DENND6A: variants seen among roughly 807,000 people sequenced by gnomAD.
DENND6A encodes the protein protein DENND6A.
DENND6A carries 43 observed loss-of-function variants against 95.5 expected under a neutral mutation model. The observed-to-expected ratio is 0.45, with a 90% CI of 0.35 to 0.58. The LOEUF (loss-of-function observed/expected upper bound fraction) is 0.58. Ranked by LOEUF, DENND6A falls within the 20% of genes least tolerant of loss-of-function variation. DENND6A has a pLI of 0.00. For missense variants in DENND6A, 574 were observed against 736.0 expected, an observed-to-expected ratio of 0.78 and a Z score of 2.55; for synonymous variants, 257 against 260.4, an observed-to-expected ratio of 0.99 and a Z score of 0.13.
intron 11 of DENND6A, 101 bp from the exon 12 acceptor site, chr3:57,641,848 G>A: frequency 1.1e-6 from 1 of 942,554 alleles, no homozygotes; most frequent in Non-Finnish European, 1.6e-6. Context: ...ACAATACACA[G>A]ATTGATTTTT....
intron 9 of DENND6A, among the ~76,000 whole-genome samples, chr3:57,650,110 T>C (rs111810430): frequency 0.01 from 1,584 of 151,974 alleles, 17 homozygotes; most frequent in African/African-American, 0.036. Flanking sequence ...GACATAAGAA[T>C]GATACTATGA....
intron 5 of DENND6A, 84 bp downstream of exon 5, chr3:57,663,552 T>G (rs2071470759): frequency 1.1e-6 from 1 of 895,542 alleles, no homozygotes; most frequent in Non-Finnish European, 1.6e-6. Flanking sequence ...ACCAAAGACT[T>G]TAAAGACTCT....
chr3:57,631,694 A>ACTTG (rs1373505247), intron 15 of DENND6A, among the ~76,000 whole-genome samples: 2 of 148,434 alleles, frequency 1.3e-5, no homozygotes, highest in Non-Finnish European at 3.0e-5. Flanking sequence ...AATGAGGTCT[A>ACTTG]CTTGACTTTG....
intron 11 of DENND6A, among the ~76,000 whole-genome samples, chr3:57,645,348 C>G (rs1015329381): frequency 2.7e-4 from 41 of 152,082 alleles, no homozygotes; most frequent in Non-Finnish European, 5.9e-4. Flanking sequence ...GTAATCCCAG[C>G]TACTCAGGAG....
chr3:57,666,226 C>T lies in DENND6A; in HGVS notation c.329G>A (p.Gly110Glu). 3.7e-6 allele frequency: 6 copies of T among 1,610,460 alleles called. No individual in the cohort carries two copies. The highest frequency in any genetic ancestry group is 5.1e-6 in the Non-Finnish European group (6 of 1,177,432). ...AAATCTAAAACAAAACTGGGTATCTCCAAGACAACCTAATGAAAATAAAAA... is the reference window on the plus strand; with the variant it reads ...AAATCTAAAACAAAACTGGGTATCTTCAAGACAACCTAATGAAAATAAAAA... ...SFPDSNSGCL[G>E]DTQFCFRFRQ... Residue 110 changes from glycine (G) to glutamate (E), a missense_variant, in exon 4 of 20, where the codon GGA (glycine) becomes GAA (glutamate). Physicochemically the swap from Gly to Glu is moderately conservative, Grantham distance 98. Transcript: ENST00000311128.
At chr3:57,642,737 G>A (rs1330856738) in intron 11 of DENND6A, among the ~76,000 whole-genome samples, 1 of 152,110 alleles carries the variant, frequency 6.6e-6, no homozygotes, top group Non-Finnish European at 1.5e-5. Context: ...AGGCGCGGTG[G>A]CTCACGCCTG....
intron 1 of DENND6A, among the ~76,000 whole-genome samples, chr3:57,686,287 A>G (rs2077211023): frequency 6.6e-6 from 1 of 152,190 alleles, no homozygotes; most frequent in Non-Finnish European, 1.5e-5. Context: ...CAAACAGCTC[A>G]AAGTTACTAA....
intron 11 of DENND6A, among the ~76,000 whole-genome samples, chr3:57,643,851 A>T (rs1444598021): frequency 6.6e-6 from 1 of 151,040 alleles, no homozygotes; most frequent in East Asian, 2.0e-4. Flanking sequence ...AACTGTACAG[A>T]AATAATTATC....
At chr3:57,691,681 A>AAAG (rs1272549123) in intron 1 of DENND6A, among the ~76,000 whole-genome samples, 28 of 151,398 alleles carry the variant, frequency 1.8e-4, no homozygotes, top group Admixed American at 1.2e-3. Context: ...AAAAAAAAAA[A>AAAG]AAAAAAAAAA....
intron 9 of DENND6A, among the ~76,000 whole-genome samples, chr3:57,657,047 G>C (rs1375569771): frequency 6.6e-6 from 1 of 152,210 alleles, no homozygotes; most frequent in Admixed American, 6.5e-5. Flanking sequence ...ATTTATAGCA[G>C]TGGTTTTTCA....
intron 1 of DENND6A, among the ~76,000 whole-genome samples, chr3:57,673,433 A>G (rs7641766): frequency 0.75 from 113,734 of 151,716 alleles, 44,663 homozygotes; most frequent in East Asian, 1. Flanking sequence ...GAGTAGTAAG[A>G]GTTTGAGAGG....
At chr3:57,690,474 T>C (rs1238393945) in intron 1 of DENND6A, among the ~76,000 whole-genome samples, 2 of 150,904 alleles carry the variant, frequency 1.3e-5, no homozygotes, top group African/African-American at 2.4e-5. Context: ...GGAGACGAGA[T>C]TGCCCCACTG....
At chr3:57,672,530 C>T in intron 1 of DENND6A, 92 bp from the exon 2 acceptor site, 1 of 1,341,722 alleles carries the variant, frequency 7.5e-7, no homozygotes, top group South Asian at 1.3e-5. Flanking sequence ...CGCTGGTAAT[C>T]CCAGCACTTT....
chr3:57,660,986 A>G, intron 6 of DENND6A, 147 bp from the exon 7 acceptor site: 1 of 648,132 alleles, frequency 1.5e-6, no homozygotes, highest in East Asian at 3.2e-5. Flanking sequence ...AGAAAAGTCA[A>G]AGTGATGAAA....
intron 1 of DENND6A, among the ~76,000 whole-genome samples, chr3:57,687,924 C>T (rs1230883022): frequency 5.5e-4 from 46 of 84,080 alleles, no homozygotes; most frequent in African/African-American, 1.9e-3. Flanking sequence ...AGAGTAAGAC[C>T]ACCTCAAAAA....
chr3:57,660,760 C>T lies in DENND6A; in HGVS notation c.699G>A (p.Lys233=). Residue 233 remains lysine (K), a splice_region_variant and synonymous_variant, in exon 7 of 20, where the codon AAG becomes AAA. Transcript: ENST00000311128. ...LHLPIMGVVM[K]VRIPTCHDKP... ...AGACAATTGAGATATAAGATATTAC[C>T]TTCATTACCACCCCCATGATTGGCA... The T allele has an allele frequency of 6.2e-7, 1 of 1,603,274 alleles. No individual in the cohort carries two copies. Among genetic ancestry groups the T allele is most frequent in the Non-Finnish European group, 8.5e-7 (1 of 1,175,478 alleles).
intron 11 of DENND6A, among the ~76,000 whole-genome samples, chr3:57,644,950 AG>A (rs2071046737): frequency 1.3e-5 from 2 of 152,118 alleles, no homozygotes; most frequent in South Asian, 4.2e-4. Context: ...GTTGACTAGA[AG>A]CAACCAGAAA....
At chr3:57,631,558 T>G (rs948461602) in intron 15 of DENND6A, among the ~76,000 whole-genome samples, 2 of 152,086 alleles carry the variant, frequency 1.3e-5, no homozygotes, top group African/African-American at 4.8e-5. Flanking sequence ...GATAATGCAC[T>G]CAACATTTTA....
At chr3:57,684,449 C>T (rs1182355493) in intron 1 of DENND6A, among the ~76,000 whole-genome samples, 1 of 151,926 alleles carries the variant, frequency 6.6e-6, no homozygotes, top group Non-Finnish European at 1.5e-5. Context: ...GGTGACAAAG[C>T]GAGACTCTGT....
Sources: gnomAD v4.1 joint callset for allele counts (sites outside exome capture counted in the v4.1 genomes callset) on GRCh38, gnomAD v4.1.1 for gene constraint, MANE v1.5 for transcripts, NCBI Gene and HGNC (gene_info 2026-07-23, HGNC 2026-07-21) for gene names.